The following POLA1 variants were observed in gnomAD, a reference collection of about 807,000 sequenced individuals.
POLA1 encodes the protein DNA polymerase alpha 1, catalytic subunit, also known as DNA polymerase alpha catalytic subunit.
POLA1 carries 15 observed loss-of-function variants against 124.0 expected under a neutral mutation model. The observed-to-expected ratio is 0.12, with a 90% CI of 0.08 to 0.19. The LOEUF (loss-of-function observed/expected upper bound fraction) is 0.19, where lower values mean the gene tolerates loss of function less well. POLA1 is among the 10% of genes least tolerant of loss of function. The pLI is 1.00. For synonymous variants in POLA1, 408 were observed against 389.4 expected, an observed-to-expected ratio of 1.05 and a Z score of -0.56; for missense variants, 886 against 1,103.4, an observed-to-expected ratio of 0.80 and a Z score of 2.79.
chrX:24,735,916 C>T (rs1222843250), intron 18 of POLA1, among the ~76,000 whole-genome samples: 1 of 111,149 alleles, frequency 9.0e-6, no homozygotes, highest in Admixed American at 9.5e-5. Context: ...CCTTTGAAAA[C>T]TCAGGGCTCG....
intron 36 of POLA1, among the ~76,000 whole-genome samples, chrX:24,960,557 T>C (rs2048157898): frequency 8.9e-6 from 1 of 111,937 alleles, no homozygotes; most frequent in African/African-American, 3.3e-5. Flanking sequence ...AGATAATCTT[T>C]CTTTTGGAGT....
At chrX:24,741,115 T>TTGTGTGTGTGTG (rs751996539) in intron 20 of POLA1, among the ~76,000 whole-genome samples, 5 of 89,559 alleles carry the variant, frequency 5.6e-5, no homozygotes, top group Admixed American at 1.3e-4. Context: ...TTATGGGATT[T>TTGTGTGTGTGTG]TGTGTGTGTG....
chrX:24,829,392 T>A (rs2046225922), intron 32 of POLA1, among the ~76,000 whole-genome samples: 1 of 111,562 alleles, frequency 9.0e-6, no homozygotes, highest in Admixed American at 9.5e-5. Context: ...TGTGTAGTCC[T>A]CCTCTCCTGC....
At chrX:24,894,669 C>G (rs747553492) in intron 35 of POLA1, among the ~76,000 whole-genome samples, 1 of 112,267 alleles carries the variant, frequency 8.9e-6, no homozygotes, top group Non-Finnish European at 1.9e-5. Context: ...GTCTCTTTCT[C>G]TTTTTCTTAT....
At chrX:24,778,627 CTT>C (rs2045192193) in intron 26 of POLA1, among the ~76,000 whole-genome samples, 1 of 112,219 alleles carries the variant, frequency 8.9e-6, no homozygotes, top group African/African-American at 3.2e-5. Context: ...AATCATCTGA[CTT>C]TAATCTAGCT....
intron 36 of POLA1, among the ~76,000 whole-genome samples, chrX:24,966,863 T>C (rs764834234): frequency 8.9e-6 from 1 of 112,479 alleles, no homozygotes; most frequent in South Asian, 3.7e-4. Flanking sequence ...AATCTGTTGA[T>C]TGAAAACAGT....
At position 24,821,514 on chromosome X, in the gene POLA1, C is replaced by T; in HGVS notation, c.3492C>T (p.Ala1164=). ...AAAGCCTACCTCATGTACATGTTGC[C>T]CTCTGGATAAATTCTCAAGGAGGCA... ...DKKSLPHVHV[A]LWINSQGGRK... is the part of the protein sequence containing the mutation. Residue 1164 remains alanine (A), a synonymous_variant, in exon 31 of 37, where the codon GCC becomes GCT. Coordinates refer to ENST00000379068, the MANE Select transcript of POLA1 (RefSeq NM_001330360.2). 8.3e-7 allele frequency: 1 copy of T among 1,199,896 alleles called. No homozygotes were observed. The highest frequency in any genetic ancestry group is 1.1e-6 in the Non-Finnish European group (1 of 885,043).
At chrX:24,701,716 G>A (rs764319746) in intron 2 of POLA1, among the ~76,000 whole-genome samples, 18 of 110,470 alleles carry the variant, frequency 1.6e-4, no homozygotes, top group African/African-American at 3.9e-4. Flanking sequence ...GATTACAGGC[G>A]TGAGCCACCA....
chrX:24,790,107 A>C (rs996522918), intron 26 of POLA1, among the ~76,000 whole-genome samples: 2 of 112,205 alleles, frequency 1.8e-5, no homozygotes, highest in Non-Finnish European at 3.8e-5. Context: ...GGGTTTGCAG[A>C]GTACACCAAA....
intron 15 of POLA1, among the ~76,000 whole-genome samples, chrX:24,729,655 C>T (rs1259919084): frequency 3.6e-5 from 4 of 111,363 alleles, no homozygotes; most frequent in Non-Finnish European, 7.5e-5. Context: ...TACATGCAGT[C>T]GTGACTGATG....
chrX:24,834,641 T>C (rs1467227284), intron 32 of POLA1, among the ~76,000 whole-genome samples: 2 of 111,019 alleles, frequency 1.8e-5, no homozygotes, highest in Non-Finnish European at 3.8e-5. Context: ...TAGCCAGGCG[T>C]GGTGGCGGGC....
chrX:24,797,480 T>G (rs761613634), intron 26 of POLA1, among the ~76,000 whole-genome samples: 4 of 111,008 alleles, frequency 3.6e-5, no homozygotes, highest in Non-Finnish European at 5.7e-5. Flanking sequence ...GCCCCTGTTA[T>G]GTACATGTGT....
intron 36 of POLA1, among the ~76,000 whole-genome samples, chrX:24,958,515 A>G (rs2048132880): frequency 1.8e-5 from 2 of 112,687 alleles, no homozygotes; most frequent in African/African-American, 6.4e-5. Context: ...ATGTTAATCT[A>G]TATGTTCATA....
At chrX:24,914,009 A>C (rs1029894923) in intron 35 of POLA1, among the ~76,000 whole-genome samples, 6 of 110,308 alleles carry the variant, frequency 5.4e-5, no homozygotes, top group Admixed American at 9.7e-5. Context: ...GCCTGGGTGA[A>C]AAGAATGAAA....
At chrX:24,697,263 T>C (rs987858635) in intron 1 of POLA1, among the ~76,000 whole-genome samples, 4 of 111,485 alleles carry the variant, frequency 3.6e-5, no homozygotes, top group African/African-American at 1.3e-4. Flanking sequence ...GCCTGTGTAG[T>C]GGAACATTGT....
chrX:24,789,494 G>A (rs1249351693), intron 26 of POLA1, among the ~76,000 whole-genome samples: 1 of 110,497 alleles, frequency 9.1e-6, no homozygotes, highest in Non-Finnish European at 1.9e-5. Context: ...AAACATTGAT[G>A]AAAGAAAGTG....
intron 36 of POLA1, among the ~76,000 whole-genome samples, chrX:24,932,682 C>T (rs761392585): frequency 9.0e-6 from 1 of 111,015 alleles, no homozygotes; most frequent in African/African-American, 3.3e-5. Flanking sequence ...GAAAATAAGA[C>T]GAGAAGAGAA....
At chrX:24,705,017 ATT>A (rs763839825) in intron 4 of POLA1, among the ~76,000 whole-genome samples, 1 of 110,074 alleles carries the variant, frequency 9.1e-6, no homozygotes, top group African/African-American at 3.3e-5. Context: ...TCTCTTCAGT[ATT>A]TTTTTTTGTT....
chrX:24,948,286 A>G (rs974505352), intron 36 of POLA1, among the ~76,000 whole-genome samples: 2 of 111,500 alleles, frequency 1.8e-5, no homozygotes, highest in African/African-American at 6.5e-5. Context: ...GTTAAAGTAT[A>G]TGTCCAAAAT....
Sources: gnomAD v4.1 joint callset for allele counts (sites outside exome capture counted in the v4.1 genomes callset) on GRCh38, gnomAD v4.1.1 for gene constraint, MANE v1.5 for transcripts, NCBI Gene and HGNC (gene_info 2026-07-23, HGNC 2026-07-21) for gene names.